Variants in FLT1 observed in about 807,000 individuals in gnomAD.
The protein encoded by FLT1 is vascular endothelial growth factor receptor 1.
Under a neutral mutation model 156.3 loss-of-function variants are expected in FLT1, and 49 were observed. The ratio of observed to expected loss-of-function variants is 0.31; its 90% confidence interval spans 0.25 to 0.40. The LOEUF is 0.40. Ranked by LOEUF, FLT1 falls within the 10% of genes least tolerant of loss-of-function variation. FLT1 has a pLI of 1.00. For synonymous variants in FLT1, 594 were observed against 583.8 expected, an observed-to-expected ratio of 1.02 and a Z score of -0.25; for missense variants, 1,322 against 1,637.2, an observed-to-expected ratio of 0.81 and a Z score of 3.32.
intron 29 of FLT1, among the ~76,000 whole-genome samples, chr13:28,304,114 G>A (rs1237760489): frequency 2.0e-5 from 3 of 152,140 alleles, no homozygotes; most frequent in African/African-American, 7.2e-5. Context: ...GTTTTAGACC[G>A]GTCTGGACTA....
chr13:28,308,801 G>A, intron 28 of FLT1, 42 bp downstream of exon 28: 1 of 1,152,548 alleles, frequency 8.7e-7, no homozygotes, highest in Admixed American at 1.7e-5. Flanking sequence ...CTGAAGAAGG[G>A]GTCTATCGGG....
Position 28,469,721 on chromosome 13 carries a change from C to T in FLT1, c.65-2104G>A, listed in dbSNP as rs1022524363. 3.4e-4 allele frequency among the ~76,000 whole-genome samples: 52 copies of T among 152,170 alleles called. 1 individual carries two copies. The highest frequency in any genetic ancestry group is 1.2e-3 in the African/African-American group (49 of 41,532). ...ATTAACATATGCTTTTCTGGTATTG[C>T]TGATGATATAAATTAATATCTTTTA... is the stretch of plus-strand genomic sequence containing the variant. On this transcript the variant is annotated intron_variant, in intron 1 of 29. Transcript: ENST00000282397.
intron 3 of FLT1, among the ~76,000 whole-genome samples, chr13:28,441,355 C>A (rs1463243153): frequency 6.6e-6 from 1 of 152,168 alleles, no homozygotes; most frequent in African/African-American, 2.4e-5. Context: ...TGGCCCTCTG[C>A]CAAGTGTAGT....
intron 16 of FLT1, among the ~76,000 whole-genome samples, chr13:28,341,776 T>A (rs2138854679): frequency 6.6e-6 from 1 of 152,324 alleles, no homozygotes; most frequent in East Asian, 1.9e-4. Flanking sequence ...GAGATAATGA[T>A]CTCTTGCTCT....
intron 3 of FLT1, among the ~76,000 whole-genome samples, chr13:28,450,315 C>A (rs779640856): frequency 6.6e-6 from 1 of 152,158 alleles, no homozygotes; most frequent in Non-Finnish European, 1.5e-5. Context: ...AGTTGAAGAT[C>A]TCAGTGAGAG....
At chr13:28,315,623 A>C (rs190625686) in intron 25 of FLT1, among the ~76,000 whole-genome samples, 9 of 136,230 alleles carry the variant, frequency 6.6e-5, no homozygotes, top group African/African-American at 3.4e-4. Context: ...GGAAGTAAAA[A>C]TAAAACTTAA....
At chr13:28,305,987 G>T (rs1870728837) in intron 29 of FLT1, among the ~76,000 whole-genome samples, 1 of 152,192 alleles carries the variant, frequency 6.6e-6, no homozygotes, top group South Asian at 2.1e-4. Flanking sequence ...TCTGCCTTCG[G>T]GTGAGACAGG....
intron 10 of FLT1, among the ~76,000 whole-genome samples, chr13:28,412,215 C>T (rs1317305117): frequency 6.6e-6 from 1 of 152,134 alleles, no homozygotes; most frequent in East Asian, 1.9e-4. Context: ...CTGTGGGTGT[C>T]GTGTCAAAAC....
In FLT1 at chr13:28,372,575, T is replaced by C. The variant is rs1377020915; in HGVS notation, c.2116+12310A>G. Among the ~76,000 whole-genome samples the C allele has an allele frequency of 7.5e-3, 267 of 35,384 alleles. 14 individuals carry two copies. Among genetic ancestry groups the C allele is most frequent in the Non-Finnish European group, 6.6e-3 (113 of 17,192 alleles). 23.2% of individuals were successfully genotyped at this position (35,384 alleles called of 152,430 possible). A position where few individuals can be genotyped will look rare whatever the true frequency, so the allele number is the denominator to read the frequency against. The stretch of plus-strand genomic sequence containing the variant: ...CTCGTTTAAATAAAATGTATATATA[T>C]ATATATATATATATATATATATATA... On this transcript the variant is annotated intron_variant, in intron 14 of 29. Coordinates refer to ENST00000282397, the MANE Select transcript of FLT1 (RefSeq NM_002019.4).
intron 14 of FLT1, among the ~76,000 whole-genome samples, chr13:28,359,435 A>G (rs1593707074): frequency 6.6e-6 from 1 of 152,360 alleles, no homozygotes; most frequent in African/African-American, 2.4e-5. Flanking sequence ...TAAAACTACT[A>G]GAAGAAAATG....
At chr13:28,410,588 C>T (rs749197479) in intron 10 of FLT1, among the ~76,000 whole-genome samples, 1 of 152,146 alleles carries the variant, frequency 6.6e-6, no homozygotes, top group Non-Finnish European at 1.5e-5. Flanking sequence ...TTAAAAGGAT[C>T]CTCTTTCAAT....
At chr13:28,456,489 A>G (rs529351326) in intron 3 of FLT1, among the ~76,000 whole-genome samples, 1 of 152,204 alleles carries the variant, frequency 6.6e-6, no homozygotes, top group South Asian at 2.1e-4. Flanking sequence ...AAAACTATGG[A>G]AACAGTAAGA....
At chr13:28,459,993 G>A (rs1014589625) in intron 3 of FLT1, among the ~76,000 whole-genome samples, 2 of 152,238 alleles carry the variant, frequency 1.3e-5, no homozygotes, top group Non-Finnish European at 2.9e-5. Flanking sequence ...AAGGCTCGGC[G>A]ATGAAGCCTG....
chr13:28,476,227 A>G (rs1441893651), intron 1 of FLT1, among the ~76,000 whole-genome samples: 1 of 152,170 alleles, frequency 6.6e-6, no homozygotes, highest in Non-Finnish European at 1.5e-5. Context: ...TTGATGTAGA[A>G]CTAGAAGAGG....
intron 14 of FLT1, among the ~76,000 whole-genome samples, chr13:28,357,946 G>A (rs1041659783): frequency 4.3e-5 from 6 of 139,746 alleles, no homozygotes; most frequent in East Asian, 2.1e-4. Flanking sequence ...CCCCAGCTTC[G>A]GAGATGCAAA....
intron 6 of FLT1, among the ~76,000 whole-genome samples, chr13:28,433,282 A>G (rs900549113): frequency 3.3e-5 from 5 of 152,234 alleles, no homozygotes; most frequent in Admixed American, 1.3e-4. Flanking sequence ...CGCAGGCTTC[A>G]TTCTTCTCAT....
At chr13:28,485,979 A>C (rs1213367563) in intron 1 of FLT1, among the ~76,000 whole-genome samples, 1 of 152,260 alleles carries the variant, frequency 6.6e-6, no homozygotes, top group Non-Finnish European at 1.5e-5. Flanking sequence ...AAGAATCATG[A>C]AGCATAATGC....
At chr13:28,424,573 A>G (rs1479198173) in intron 10 of FLT1, among the ~76,000 whole-genome samples, 1 of 152,196 alleles carries the variant, frequency 6.6e-6, no homozygotes, top group Non-Finnish European at 1.5e-5. Context: ...ACCTCTTTCT[A>G]TAGTAGATAC....
chr13:28,451,310 C>T (rs1224466369), intron 3 of FLT1, among the ~76,000 whole-genome samples: 1 of 152,230 alleles, frequency 6.6e-6, no homozygotes, highest in Non-Finnish European at 1.5e-5. Context: ...GTAGTCCCAG[C>T]TACTCGGGAG....
Sources: allele counts gnomAD v4.1 joint callset (sites outside exome capture counted in the v4.1 genomes callset), GRCh38; gene constraint gnomAD v4.1.1; transcripts MANE v1.5; gene names NCBI Gene and HGNC (gene_info 2026-07-23, HGNC 2026-07-21).